STPG2: variants seen among roughly 807,000 people sequenced by gnomAD.
STPG2 encodes sperm-tail PG-rich repeat-containing protein 2.
A neutral mutation model predicts 54.2 loss-of-function variants in STPG2; 56 were observed. That is an observed-to-expected ratio of 1.03 (90% CI 0.83 to 1.29). The LOEUF (loss-of-function observed/expected upper bound fraction) is 1.29, where lower values mean the gene tolerates loss of function less well. Ranked by LOEUF, STPG2 falls within the 50% of genes most tolerant of loss-of-function variation. STPG2 has a pLI of 0.00. For synonymous variants in STPG2, 200 were observed against 181.8 expected, an observed-to-expected ratio of 1.10 and a Z score of -0.81; for missense variants, 596 against 544.9, an observed-to-expected ratio of 1.09 and a Z score of -0.93.
chr4:97,626,819 T>A (rs1734149369), intron 10 of STPG2, among the ~76,000 whole-genome samples: 1 of 152,106 alleles, frequency 6.6e-6, no homozygotes, highest in Non-Finnish European at 1.5e-5. Flanking sequence ...ACATAGTAGC[T>A]TTTAAGTAAT....
rs766774519 is a variant in STPG2 at position 97,972,405 on chromosome 4, T to C, written c.808A>G (p.Ile270Val). The change falls in exon 7 of 11, where the codon ATT (isoleucine) becomes GTT (valine). Residue 270 changes from isoleucine (I) to valine (V), a missense_variant. Transcript: ENST00000295268. ...GFYNVLNNTI[I>V]ASVRNICSKK... Reference sequence around the variant, plus strand: ...GAGCAGATATTTCTAACACTGGCAATTATAGTATTGTTCAAGACATTATAA... The same window carrying C: ...GAGCAGATATTTCTAACACTGGCAACTATAGTATTGTTCAAGACATTATAA... 6.2e-7 allele frequency: 1 copy of C among 1,601,592 alleles called. No individual in the cohort carries two copies.
intron 5 of STPG2, among the ~76,000 whole-genome samples, chr4:98,095,749 C>T (rs997152290): frequency 1.3e-5 from 2 of 152,120 alleles, no homozygotes; most frequent in Non-Finnish European, 2.9e-5. Flanking sequence ...ACTTTCAGCA[C>T]CAGACAGATC....
intron 9 of STPG2, among the ~76,000 whole-genome samples, chr4:97,759,190 A>G (rs994944442): frequency 1.3e-5 from 2 of 152,116 alleles, no homozygotes; most frequent in Non-Finnish European, 2.9e-5. Context: ...AAGAATGGAG[A>G]CTGGTGTTAG....
intron 5 of STPG2, among the ~76,000 whole-genome samples, chr4:98,014,609 C>G (rs1294352430): frequency 1.3e-5 from 2 of 152,140 alleles, no homozygotes; most frequent in Non-Finnish European, 2.9e-5. Context: ...TTGTTAAATA[C>G]TTTTAACCTC....
intron 6 of STPG2, among the ~76,000 whole-genome samples, chr4:97,978,456 T>A (rs1734565092): frequency 6.6e-6 from 1 of 151,808 alleles, no homozygotes; most frequent in African/African-American, 2.4e-5. Context: ...GGGAGCAAAA[T>A]AATGAGAACA....
chr4:98,136,107 T>C (rs1388054601), intron 1 of STPG2, among the ~76,000 whole-genome samples: 1 of 151,154 alleles, frequency 6.6e-6, no homozygotes. Flanking sequence ...TTCAACAAGG[T>C]AGAAAAAAGA....
intron 5 of STPG2, among the ~76,000 whole-genome samples, chr4:98,099,728 T>C (rs1340410269): frequency 6.6e-6 from 1 of 152,144 alleles, no homozygotes; most frequent in Non-Finnish European, 1.5e-5. Flanking sequence ...ACATCTCATG[T>C]ACCCCATAAA....
intron 4 of STPG2, among the ~76,000 whole-genome samples, chr4:97,480,038 C>A (rs112916064): frequency 0.027 from 4,166 of 151,668 alleles, 125 homozygotes; most frequent in African/African-American, 0.082. Context: ...GAAACTGGTT[C>A]TTTGAAAAGA....
At chr4:97,514,227 C>T (rs926222858) in intron 4 of STPG2, among the ~76,000 whole-genome samples, 3 of 151,952 alleles carry the variant, frequency 2.0e-5, no homozygotes, top group African/African-American at 4.8e-5. Flanking sequence ...AACGTCCCAG[C>T]GTCATGAATA....
At chr4:97,766,051 T>A (rs1447424601) in intron 9 of STPG2, among the ~76,000 whole-genome samples, 1 of 152,056 alleles carries the variant, frequency 6.6e-6, no homozygotes, top group Non-Finnish European at 1.5e-5. Context: ...TTACTGATAT[T>A]GGGAGGTACT....
At chr4:97,796,601 T>G (rs1368160090) in intron 9 of STPG2, among the ~76,000 whole-genome samples, 1 of 152,198 alleles carries the variant, frequency 6.6e-6, no homozygotes, top group Non-Finnish European at 1.5e-5. Context: ...TTGGTTACTG[T>G]AGCCTTGTAG....
chr4:97,731,275 T>C (rs1560505274), intron 9 of STPG2, among the ~76,000 whole-genome samples: 1 of 152,174 alleles, frequency 6.6e-6, no homozygotes, highest in South Asian at 2.1e-4. Flanking sequence ...GCCAAACCTC[T>C]CTATAGGATC....
At chr4:97,554,659 T>C (rs1033619539), downstream of STPG2, among the ~76,000 whole-genome samples, 2 of 152,216 alleles carry the variant, frequency 1.3e-5, no homozygotes, top group African/African-American at 4.8e-5. Flanking sequence ...TATCTAAGCC[T>C]ATGTTTTCTA....
chr4:97,635,181 A>G (rs1246409371), intron 10 of STPG2, among the ~76,000 whole-genome samples: 1 of 152,144 alleles, frequency 6.6e-6, no homozygotes, highest in African/African-American at 2.4e-5. Flanking sequence ...GTGGGGACCA[A>G]TATTCAACAT....
intron 8 of STPG2, among the ~76,000 whole-genome samples, chr4:97,923,863 G>C (rs1441769737): frequency 3.9e-5 from 6 of 152,180 alleles, no homozygotes; most frequent in Non-Finnish European, 8.8e-5. Flanking sequence ...TCAGCACCCT[G>C]TCAAAATGGA....
chr4:97,770,882 C>T (rs907785567), intron 9 of STPG2, among the ~76,000 whole-genome samples: 30 of 152,070 alleles, frequency 2.0e-4, no homozygotes, highest in African/African-American at 7.2e-4. Context: ...TTTTTAGAAG[C>T]TCTTTTTTCT....
chr4:97,714,100 A>T (rs1043415133), intron 9 of STPG2, among the ~76,000 whole-genome samples: 2 of 152,160 alleles, frequency 1.3e-5, no homozygotes, highest in African/African-American at 4.8e-5. Flanking sequence ...AATAAATATA[A>T]ACAGTGAAAT....
chr4:97,455,792 C>T (rs1017291405), intron 4 of STPG2, among the ~76,000 whole-genome samples: 7 of 152,226 alleles, frequency 4.6e-5, no homozygotes, highest in East Asian at 1.9e-4. Context: ...TGAAAGAGCA[C>T]GCTGTAACAC....
intron 9 of STPG2, among the ~76,000 whole-genome samples, chr4:97,790,137 C>T (rs910037987): frequency 4.6e-5 from 7 of 151,694 alleles, no homozygotes; most frequent in East Asian, 2.0e-4. Flanking sequence ...CCCATGTAGG[C>T]GGGGATCTTT....
Sources: gnomAD v4.1 joint callset for allele counts (sites outside exome capture counted in the v4.1 genomes callset) on GRCh38, gnomAD v4.1.1 for gene constraint, MANE v1.5 for transcripts, NCBI Gene and HGNC (gene_info 2026-07-23, HGNC 2026-07-21) for gene names.